COL19A1: variants seen among roughly 807,000 people sequenced by gnomAD.
COL19A1 encodes collagen alpha-1(XIX) chain.
A neutral mutation model predicts 190.2 loss-of-function variants in COL19A1; 159 were observed. The observed-to-expected ratio is 0.84, with a 90% CI of 0.73 to 0.95. The LOEUF is 0.95. Among genes scored for constraint, COL19A1 ranks in the 40% least tolerant of loss-of-function variants. The pLI, the probability that COL19A1 is intolerant of heterozygous loss-of-function variation, is 0.00. For synonymous variants in COL19A1, 509 were observed against 458.9 expected, an observed-to-expected ratio of 1.11 and a Z score of -1.39; for missense variants, 1,418 against 1,431.9, an observed-to-expected ratio of 0.99 and a Z score of 0.16.
intron 15 of COL19A1, among the ~76,000 whole-genome samples, chr6:70,072,741 A>T (rs564135693): frequency 6.6e-6 from 1 of 152,064 alleles, no homozygotes; most frequent in Admixed American, 6.6e-5. Context: ...CACAGAGAAC[A>T]TCAACCTACC....
chr6:70,024,175 G>A (rs1344852695), intron 12 of COL19A1, among the ~76,000 whole-genome samples: 1 of 152,022 alleles, frequency 6.6e-6, no homozygotes, highest in African/African-American at 2.4e-5. Context: ...TGATATCCTA[G>A]GACCCCAGTC....
intron 9 of COL19A1, among the ~76,000 whole-genome samples, chr6:69,957,739 T>A (rs1333833695): frequency 6.6e-6 from 1 of 152,148 alleles, no homozygotes; most frequent in Non-Finnish European, 1.5e-5. Flanking sequence ...AGAAAACTAA[T>A]GTGTACCTTC....
intron 48 of COL19A1, among the ~76,000 whole-genome samples, chr6:70,198,866 A>T (rs963138357): frequency 2.0e-5 from 3 of 152,178 alleles, no homozygotes; most frequent in African/African-American, 7.2e-5. Flanking sequence ...TCAGGATGTC[A>T]TTCAGAGCTG....
chr6:70,189,031 G>C (rs1766699205), intron 47 of COL19A1, among the ~76,000 whole-genome samples: 1 of 152,170 alleles, frequency 6.6e-6, no homozygotes, highest in African/African-American at 2.4e-5. Context: ...GGTTGTGTCA[G>C]TAATTGGTAT....
At position 69,925,911 on chromosome 6, in the gene COL19A1, G is replaced by T. The variant is rs1772353977; in HGVS notation, c.267-1998G>T. Among the ~76,000 whole-genome samples, 4 of 152,140 alleles carry T rather than the reference G, an allele frequency of 2.6e-5. No individual in the cohort carries two copies. The South Asian group carries it at 8.3e-4, about 32-fold the overall frequency. On this transcript the variant is annotated intron_variant, in intron 4 of 50. Transcript: ENST00000620364. ...TTGTTTGTTATTGGTGTATAAGAAT[G>T]CTTGTGATTTTTGCACATTGATTTT... is the stretch of plus-strand genomic sequence containing the variant.
rs1787359133 is a variant in COL19A1 at position 70,155,170 on chromosome 6, A to G, written c.2080-957A>G. On this transcript the variant is annotated intron_variant, in intron 31 of 50. Transcript: ENST00000620364. Reference sequence around the variant, plus strand: ...CATTGCTATTCATTAGGTCAAAAATATTGAATTTGAATAGCCATGGGCTTT... The same window carrying G: ...CATTGCTATTCATTAGGTCAAAAATGTTGAATTTGAATAGCCATGGGCTTT... Among the ~76,000 whole-genome samples the G allele has an allele frequency of 3.3e-5, 5 of 152,260 alleles. No individual in the cohort carries two copies. In the South Asian group the frequency reaches 1.0e-3, roughly 32 times the overall value.
intron 46 of COL19A1, among the ~76,000 whole-genome samples, chr6:70,185,794 A>G (rs922195091): frequency 1.3e-5 from 2 of 152,196 alleles, no homozygotes; most frequent in South Asian, 2.1e-4. Flanking sequence ...GTGTGGGCAC[A>G]TATGTTTGTA....
chr6:70,168,051 C>A lies in COL19A1; in HGVS notation c.2472C>A (p.Gly824=). The change falls in exon 38 of 51, where the codon GGC becomes GGA. Residue 824 remains glycine (G), a synonymous_variant. Coordinates refer to ENST00000620364, the MANE Select transcript of COL19A1 (RefSeq NM_001858.6). The part of the protein sequence containing the change: ...PPGIPFNERN[G]MSSLYKIKGG... ...GTATTCCATTTAATGAACGAAACGGCATGAGCAGTTTATATAAAATTAAGG... is the reference window on the plus strand; with the variant it reads ...GTATTCCATTTAATGAACGAAACGGAATGAGCAGTTTATATAAAATTAAGG... 1 of 1,597,924 alleles carries A rather than the reference C, an allele frequency of 6.3e-7. No homozygotes were observed. Among genetic ancestry groups the A allele is most frequent in the Non-Finnish European group, 8.5e-7 (1 of 1,169,986 alleles).
In COL19A1 at chr6:70,206,634, C is replaced by CA. The variant is rs34634051; in HGVS notation, c.3224-246dup. ...TGAGTGACAGAGCAGGACTCTGTCT[C>CA]AAAAAAAAAAAAAAAAAAAAAGTTT... On this transcript the variant is annotated intron_variant, in intron 49 of 50. Transcript: ENST00000620364. 0.4 allele frequency among the ~76,000 whole-genome samples: 41,047 copies of CA among 101,732 alleles called. 8,294 individuals are homozygous for CA. The highest frequency in any genetic ancestry group is 0.45 in the Middle Eastern group (91 of 204). The allele number at this position is 101,732 out of a possible 152,430, so 66.7% of individuals were successfully genotyped here. A position where few individuals can be genotyped will look rare whatever the true frequency, so the allele number is the denominator to read the frequency against.
intron 14 of COL19A1, among the ~76,000 whole-genome samples, chr6:70,047,715 C>T (rs1302572142): frequency 6.6e-6 from 1 of 152,054 alleles, no homozygotes. Flanking sequence ...CTATTACATA[C>T]TATTGCCAGA....
At chr6:70,156,822 G>C in intron 34 of COL19A1, 99 bp downstream of exon 34, 2 of 786,004 alleles carry the variant, frequency 2.5e-6, no homozygotes, top group South Asian at 2.5e-5. Flanking sequence ...CAGATCTGAT[G>C]CTATAACCAA....
chr6:69,971,132 A>T (rs942283065), intron 11 of COL19A1, among the ~76,000 whole-genome samples: 1 of 151,916 alleles, frequency 6.6e-6, no homozygotes, highest in Non-Finnish European at 1.5e-5. Context: ...TAAAATGTCC[A>T]GAGAGAGAGA....
At chr6:70,023,601 T>C in intron 11 of COL19A1, 26 bp from the exon 12 acceptor site, 1 of 1,586,022 alleles carries the variant, frequency 6.3e-7, no homozygotes, top group Non-Finnish European at 8.6e-7. Flanking sequence ...ATAAGATTTT[T>C]CATTGTATAA....
At chr6:69,917,161 G>A (rs1337110850) in intron 4 of COL19A1, among the ~76,000 whole-genome samples, 1 of 152,178 alleles carries the variant, frequency 6.6e-6, no homozygotes, top group East Asian at 1.9e-4. Flanking sequence ...TTTTGCTTCA[G>A]CCTGTAGAGA....
intron 36 of COL19A1, among the ~76,000 whole-genome samples, chr6:70,165,078 C>A (rs1238081828): frequency 6.6e-6 from 1 of 152,076 alleles, no homozygotes; most frequent in Non-Finnish European, 1.5e-5. Context: ...TTTTAATTAA[C>A]CATGTCTTGC....
intron 3 of COL19A1, among the ~76,000 whole-genome samples, 165 bp from the exon 4 acceptor site, chr6:69,900,074 T>A (rs2149972942): frequency 6.6e-6 from 1 of 152,256 alleles, no homozygotes; most frequent in East Asian, 1.9e-4. Flanking sequence ...TTCATTCTCT[T>A]TTACCCTAAA....
intron 44 of COL19A1, among the ~76,000 whole-genome samples, chr6:70,183,691 G>A (rs1766323676): frequency 6.6e-6 from 1 of 152,158 alleles, no homozygotes; most frequent in African/African-American, 2.4e-5. Flanking sequence ...AGAAAGGTTG[G>A]CGAACTATGG....
chr6:70,169,538 T>G (rs1300176158), intron 40 of COL19A1, among the ~76,000 whole-genome samples: 1 of 152,160 alleles, frequency 6.6e-6, no homozygotes, highest in Admixed American at 6.5e-5. Flanking sequence ...TCATAACAAG[T>G]AATGTTTTTA....
At chr6:69,930,805 C>CA (rs1293911462) in intron 6 of COL19A1, among the ~76,000 whole-genome samples, 2 of 151,914 alleles carry the variant, frequency 1.3e-5, no homozygotes, top group African/African-American at 4.8e-5. Context: ...TCTCAAAAAA[C>CA]AAAAAACAAA....
Sources: allele counts gnomAD v4.1 joint callset (sites outside exome capture counted in the v4.1 genomes callset), GRCh38; gene constraint gnomAD v4.1.1; transcripts MANE v1.5; gene names NCBI Gene and HGNC (gene_info 2026-07-23, HGNC 2026-07-21).